Variants in CNOT11 observed in about 807,000 individuals in gnomAD.
The protein encoded by CNOT11 is CCR4-NOT transcription complex subunit 11.
CNOT11 carries 18 observed loss-of-function variants against 44.6 expected under a neutral mutation model. The observed-to-expected ratio is 0.40, with a 90% CI of 0.28 to 0.60. The LOEUF is 0.60. CNOT11 is among the 20% of genes least tolerant of loss of function. CNOT11 has a pLI of 0.38. For synonymous variants in CNOT11, 291 were observed against 270.9 expected (o/e 1.07, Z -0.73); for missense variants, 513 against 677.0 (o/e 0.76, Z 2.69).
chr2:101,264,610 G>A (rs1241738701), intron 3 of CNOT11, among the ~76,000 whole-genome samples: 2 of 152,184 alleles, frequency 1.3e-5, no homozygotes, highest in Non-Finnish European at 1.5e-5. Context: ...TCTGCAAAGC[G>A]AATAGATTGT....
At chr2:101,262,774 AT>A in intron 3 of CNOT11, 83 bp downstream of exon 3, 5 of 1,109,668 alleles carry the variant, frequency 4.5e-6, no homozygotes, top group Non-Finnish European at 6.6e-6. Context: ...TTGAGACATC[AT>A]TTTATTTTTA....
chr2:101,256,786 C>T (rs567533301), intron 1 of CNOT11, among the ~76,000 whole-genome samples: 7 of 152,148 alleles, frequency 4.6e-5, no homozygotes, highest in Admixed American at 1.3e-4. Flanking sequence ...TGGTGGCTCA[C>T]GCCTGTAATC....
At chr2:101,261,319 T>C (rs1386100066) in intron 2 of CNOT11, among the ~76,000 whole-genome samples, 1 of 152,210 alleles carries the variant, frequency 6.6e-6, no homozygotes, top group Non-Finnish European at 1.5e-5. Context: ...TGTGGAATTG[T>C]ACTGCATTTA....
intron 1 of CNOT11, 32 bp from the exon 2 acceptor site, chr2:101,257,759 T>C: frequency 3.2e-6 from 5 of 1,579,070 alleles, no homozygotes; most frequent in Non-Finnish European, 4.3e-6. Context: ...AAAGTAACCA[T>C]TGGAGAAATC....
chr2:101,262,755 T>C, intron 3 of CNOT11, 64 bp downstream of exon 3: 4 of 1,388,316 alleles, frequency 2.9e-6, no homozygotes, highest in Non-Finnish European at 4.0e-6. Flanking sequence ...CTCTAGGACT[T>C]TTCAGTTTTT....
intron 2 of CNOT11, among the ~76,000 whole-genome samples, chr2:101,260,785 C>G (rs1186600809): frequency 6.6e-6 from 1 of 151,758 alleles, no homozygotes; most frequent in Admixed American, 6.6e-5. Flanking sequence ...CTGACAAACA[C>G]CTACCACTTA....
In CNOT11 at chr2:101,252,956, G is replaced by A. The variant is rs1310842833; in HGVS notation, c.-9G>A. The A allele has an allele frequency of 6.8e-7, 1 of 1,460,966 alleles. No homozygotes were observed. Among genetic ancestry groups the A allele is most frequent in the Non-Finnish European group, 9.0e-7 (1 of 1,115,342 alleles). The allele number at this position is 1,460,966 out of a possible 1,614,324, so 90.5% of individuals were successfully genotyped here. A position where few individuals can be genotyped will look rare whatever the true frequency, so the allele number is the denominator to read the frequency against. On this transcript the variant is annotated 5_prime_UTR_variant, in exon 1 of 7. Coordinates refer to ENST00000289382, the MANE Select transcript of CNOT11 (RefSeq NM_017546.5). ...TCGGGCCGGGAAGAGGGGAAGGGGA[G>A]CGAGGTTGATGCCCGGCGGAGGGGC...
intron 1 of CNOT11, among the ~76,000 whole-genome samples, chr2:101,255,723 TAAGAG>T (rs1306087851): frequency 6.6e-6 from 1 of 152,144 alleles, no homozygotes; most frequent in Admixed American, 6.5e-5. Context: ...GCTGGGTAGT[TAAGAG>T]GAAGGAACGA....
rs1400113283 is a variant in CNOT11, at chr2:101,253,210, C to T, written c.246C>T (p.Gly82=). ...TCATATCGGAGGAGGCGGGCGGCGG[C>T]AGCACCTTCGAGGGCCTGTCCACCG... is the stretch of plus-strand genomic sequence containing the variant. ...LSIISEEAGG[G]STFEGLSTAF... Residue 82 remains glycine, a synonymous_variant, in exon 1 of 7, where the codon GGC becomes GGT. Transcript: ENST00000289382. The surrounding 1 kb of genome is among the most constrained non-coding windows in gnomAD (Gnocchi z 4.3). 5 of 1,604,852 alleles carry T rather than the reference C, an allele frequency of 3.1e-6. No individual in the cohort carries two copies. The highest frequency in any genetic ancestry group is 2.5e-6 in the Non-Finnish European group (3 of 1,177,490).
intron 4 of CNOT11, 41 bp from the exon 5 acceptor site, chr2:101,266,636 C>G: frequency 6.7e-7 from 1 of 1,488,814 alleles, no homozygotes; most frequent in Non-Finnish European, 9.4e-7. Context: ...AACACCCTTT[C>G]TCTCTCCCTC....
Position 101,253,508 on chromosome 2 carries a change from GA to G in CNOT11, c.514+31del. ...CTCCTGAAGCCAGCTGTGCCGTGTGGATAGCGTTAGATTCCGCAGCTTTCCA... is the reference window on the plus strand; with the variant it reads ...CTCCTGAAGCCAGCTGTGCCGTGTGGTAGCGTTAGATTCCGCAGCTTTCCA... On this transcript the variant is annotated intron_variant, in intron 1 of 6. Coordinates refer to ENST00000289382, the MANE Select transcript of CNOT11 (RefSeq NM_017546.5). The surrounding 1 kb of genome is among the most constrained non-coding windows in gnomAD (Gnocchi z 4.3). The G allele has an allele frequency of 7.1e-7, 1 of 1,405,710 alleles. No individual in the cohort carries two copies. The highest frequency in any genetic ancestry group is 9.2e-7 in the Non-Finnish European group (1 of 1,085,280). 87.1% of individuals were successfully genotyped at this position (1,405,710 alleles called of 1,614,324 possible). A position where few individuals can be genotyped will look rare whatever the true frequency, so the allele number is the denominator to read the frequency against.
chr2:101,255,271 G>A (rs916516665), intron 1 of CNOT11, among the ~76,000 whole-genome samples: 2 of 151,832 alleles, frequency 1.3e-5, no homozygotes, highest in East Asian at 1.9e-4. Flanking sequence ...CGAGGCGGGC[G>A]GATCACAAGG....
At chr2:101,266,642 C>T in intron 4 of CNOT11, 35 bp from the exon 5 acceptor site, 1 of 1,522,788 alleles carries the variant, frequency 6.6e-7, no homozygotes, top group Non-Finnish European at 9.1e-7. Context: ...CTTTCTCTCT[C>T]CCTCTCTCTC....
intron 5 of CNOT11, among the ~76,000 whole-genome samples, chr2:101,268,779 T>A (rs558509989): frequency 7.9e-5 from 12 of 152,224 alleles, no homozygotes; most frequent in Non-Finnish European, 1.8e-4. Context: ...ACTTAGGATT[T>A]AACCAAGAAT....
At chr2:101,255,839 T>TA in intron 1 of CNOT11, among the ~76,000 whole-genome samples, 1 of 151,878 alleles carries the variant, frequency 6.6e-6, no homozygotes, top group South Asian at 2.1e-4. Flanking sequence ...CAGGTATTAT[T>TA]AAAAAACTGG....
In CNOT11 at chr2:101,269,347, T is replaced by C; in HGVS notation, c.1467T>C (p.Gly489=). ...IEFSRIREAA[G]LFRLLKTLDT... ...TCAGTAGGATACGAGAAGCTGCTGG[T>C]CTTTTCCGGTTGTTGAAGACATTGG... Residue 489 remains glycine, a synonymous_variant, in exon 7 of 7, where the codon GGT becomes GGC. Transcript: ENST00000289382. This position sits in a 1 kb window ranked among gnomAD's most constrained non-coding sequence, Gnocchi z 4.8. The C allele has an allele frequency of 6.2e-7, 1 of 1,614,138 alleles. No individual in the cohort carries two copies.
In CNOT11 at chr2:101,268,012, C is replaced by G. The variant is rs78264590; in HGVS notation, c.1239-1028C>G. ...ACTACAGAATGTGTCCTTTTTTCAT[C>G]AACTATTGGGGGAAAAAAAGCCCAG... is the stretch of plus-strand genomic sequence containing the variant. On this transcript the variant is annotated intron_variant, in intron 5 of 6. Coordinates refer to ENST00000289382, the MANE Select transcript of CNOT11 (RefSeq NM_017546.5). Among the ~76,000 whole-genome samples the G allele has an allele frequency of 4.4e-3, 666 of 152,078 alleles. 13 individuals are homozygous for G. In the East Asian group the frequency reaches 0.074, roughly 17 times the overall value.
At chr2:101,257,393 CAA>C (rs574971165) in intron 1 of CNOT11, among the ~76,000 whole-genome samples, 11 of 74,320 alleles carry the variant, frequency 1.5e-4, no homozygotes, top group Admixed American at 3.0e-4. Flanking sequence ...GACTTCATCT[CAA>C]AAAAAAAAAA....
At position 101,253,616 on chromosome 2, in the gene CNOT11, G is replaced by T. The variant is rs116794366; in HGVS notation, c.514+138G>T. ...ATCCTCTTTTTCCGCCTCTCTCTGCGTTCCCACGCCCCTCACTCCTCCCCG... is the reference window on the plus strand; with the variant it reads ...ATCCTCTTTTTCCGCCTCTCTCTGCTTTCCCACGCCCCTCACTCCTCCCCG... On this transcript the variant is annotated intron_variant, in intron 1 of 6. Transcript: ENST00000289382. This position sits in a 1 kb window ranked among gnomAD's most constrained non-coding sequence, Gnocchi z 4.3. The T allele has an allele frequency of 6.9e-4, 595 of 864,318 alleles. 3 individuals carry two copies. In the African/African-American group the frequency reaches 9.6e-3, roughly 14 times the overall value. The allele number at this position is 864,318 out of a possible 1,614,324, so 53.5% of individuals were successfully genotyped here.
Sources: gnomAD v4.1 joint callset for allele counts (sites outside exome capture counted in the v4.1 genomes callset) on GRCh38, gnomAD v4.1.1 for gene constraint, Gnocchi (gnomAD v3.1) non-coding constraint, MANE v1.5 for transcripts, NCBI Gene and HGNC (gene_info 2026-07-23, HGNC 2026-07-21) for gene names.